SLC30A5: variants seen among roughly 807,000 people sequenced by gnomAD.
The protein encoded by SLC30A5 is proton-coupled zinc antiporter SLC30A5.
In SLC30A5, 33 loss-of-function variants were observed where a neutral mutation model predicts 79.6. That is an observed-to-expected ratio of 0.41 (90% confidence interval 0.31 to 0.55). The LOEUF (loss-of-function observed/expected upper bound fraction) is 0.55, where lower values mean the gene tolerates loss of function less well. Ranked by LOEUF, SLC30A5 falls within the 20% of genes least tolerant of loss-of-function variation. SLC30A5 has a pLI of 0.20. For missense variants in SLC30A5, 788 were observed against 928.1 expected (o/e 0.85, Z 1.96); for synonymous variants, 299 against 319.7 (o/e 0.94, Z 0.69).
intron 1 of SLC30A5, among the ~76,000 whole-genome samples, chr5:69,099,039 A>G (rs889183706): frequency 1.3e-5 from 2 of 152,220 alleles, no homozygotes; most frequent in Non-Finnish European, 2.9e-5. Flanking sequence ...ATCCATCAAA[A>G]TTCAACCAGT....
chr5:69,116,399 A>G lies in SLC30A5; in HGVS notation c.1078A>G (p.Asn360Asp). The change falls in exon 10 of 16, where the codon AAT (asparagine) becomes GAT (aspartate). Residue 360 changes from asparagine to aspartate, a missense_variant. Transcript: ENST00000396591. The surrounding 1 kb of genome is among the most constrained non-coding windows in gnomAD (Gnocchi z 4.0). Reference protein sequence around the residue: ...VSAIFFILSANILSSPSKRGQ... With the variant: ...VSAIFFILSADILSSPSKRGQ... ...ATTGTTTTTTCTCTTTGTAGCTGCCAATATCTTATCATCTCCCTCTAAGAG... is the reference window on the plus strand; with the variant it reads ...ATTGTTTTTTCTCTTTGTAGCTGCCGATATCTTATCATCTCCCTCTAAGAG... The G allele has an allele frequency of 6.3e-7, 1 of 1,576,970 alleles. No individual in the cohort carries two copies. Among genetic ancestry groups the G allele is most frequent in the Non-Finnish European group, 8.6e-7 (1 of 1,167,388 alleles).
intron 14 of SLC30A5, 111 bp downstream of exon 14, chr5:69,123,536 A>C: frequency 1.3e-6 from 1 of 776,242 alleles, no homozygotes; most frequent in Non-Finnish European, 2.1e-6. Flanking sequence ...ACGAGGCCAA[A>C]AAAGAAATAT....
chr5:69,098,934 C>A (rs1247760579), intron 1 of SLC30A5, among the ~76,000 whole-genome samples: 1 of 152,092 alleles, frequency 6.6e-6, no homozygotes, highest in Admixed American at 6.6e-5. Flanking sequence ...CATAAAAATA[C>A]CCACAATTAA....
chr5:69,114,777 A>T (rs924892439), intron 7 of SLC30A5, among the ~76,000 whole-genome samples: 1 of 152,232 alleles, frequency 6.6e-6, no homozygotes, highest in Non-Finnish European at 1.5e-5. Context: ...AGGCAGGAGA[A>T]TCACTTGAAC....
At chr5:69,118,004 T>C (rs1746419791) in intron 11 of SLC30A5, among the ~76,000 whole-genome samples, 1 of 150,308 alleles carries the variant, frequency 6.7e-6, no homozygotes, top group Non-Finnish European at 1.5e-5. Flanking sequence ...TGAAACCCCG[T>C]CTCTACTAAA....
chr5:69,127,574 G>T (rs552235813), intron 14 of SLC30A5, among the ~76,000 whole-genome samples: 1 of 152,176 alleles, frequency 6.6e-6, no homozygotes, highest in South Asian at 2.1e-4. Flanking sequence ...AACCTGGGAG[G>T]CTGAGGTTGC....
intron 1 of SLC30A5, among the ~76,000 whole-genome samples, chr5:69,097,949 G>A (rs1745793521): frequency 6.6e-6 from 1 of 152,120 alleles, no homozygotes; most frequent in East Asian, 1.9e-4. Flanking sequence ...ATGTTATGAA[G>A]GAAAAACAAT....
At position 69,116,445 on chromosome 5, in the gene SLC30A5, T is replaced by C. The variant is rs372391084; in HGVS notation, c.1124T>C (p.Ile375Thr). The C allele has an allele frequency of 1.4e-5, 22 of 1,612,112 alleles. No individual in the cohort carries two copies. The South Asian group carries it at 1.7e-4, about 12-fold the overall frequency. ...AAGAGAGGACAAAAAGGTACCCTTATTGGATATTCTCCTGAAGGAACACCT... is the reference window on the plus strand; with the variant it reads ...AAGAGAGGACAAAAAGGTACCCTTACTGGATATTCTCCTGAAGGAACACCT... ...PSKRGQKGTL[I>T]GYSPEGTPLY... Residue 375 changes from isoleucine (I) to threonine (T), a missense_variant, in exon 10 of 16, where the codon ATT (isoleucine) becomes ACT (threonine). Ile to Thr is a moderately conservative substitution (Grantham distance 89). Around this residue, in one of 3 missense-constraint regions of SLC30A5, gnomAD observed 626 missense variants for 755.5 expected, o/e 0.83. Coordinates refer to ENST00000396591, the MANE Select transcript of SLC30A5 (RefSeq NM_022902.5). This position sits in a 1 kb window ranked among gnomAD's most constrained non-coding sequence, Gnocchi z 4.0.
At chr5:69,121,448 T>C (rs1238127402) in intron 12 of SLC30A5, among the ~76,000 whole-genome samples, 1 of 152,120 alleles carries the variant, frequency 6.6e-6, no homozygotes, top group Non-Finnish European at 1.5e-5. Flanking sequence ...CCATTCTTAA[T>C]TGAAATAAGT....
At position 69,116,510 on chromosome 5, in the gene SLC30A5, C is replaced by A; in HGVS notation, c.1189C>A (p.Gln397Lys). 1 of 1,612,522 alleles carries A rather than the reference C, an allele frequency of 6.2e-7. No homozygotes were observed. Among genetic ancestry groups the A allele is most frequent in the South Asian group, 1.1e-5 (1 of 90,772 alleles). Residue 397 changes from glutamine (Q) to lysine (K), a missense_variant, in exon 10 of 16, where the codon CAA (glutamine) becomes AAA (lysine). By Grantham distance (53) the Gln-to-Lys change is moderately conservative. Transcript: ENST00000396591. The surrounding 1 kb of genome is among the most constrained non-coding windows in gnomAD (Gnocchi z 4.0). Reference sequence around the variant, plus strand: ...GGGTGATGCTTTTCAGCATAGCTCTCAATCGATCCCTAGGTTTATTAAGGA... The same window carrying A: ...GGGTGATGCTTTTCAGCATAGCTCTAAATCGATCCCTAGGTTTATTAAGGA... Reference protein sequence around the residue: ...FMGDAFQHSSQSIPRFIKESL... With the variant: ...FMGDAFQHSSKSIPRFIKESL...
chr5:69,128,279 TCTCA>T lies in SLC30A5; in HGVS notation c.2127+151_2127+154del, dbSNP rs371152876. Reference sequence around the variant, plus strand: ...TTTTTTTTTTTTTTTTGAGACAGGGTCTCACTCTGTTGCCCAGGCTGGAGTGCAG... The same window carrying T: ...TTTTTTTTTTTTTTTTGAGACAGGGTCTCTGTTGCCCAGGCTGGAGTGCAG... On this transcript the variant is annotated intron_variant, in intron 15 of 15. Coordinates refer to ENST00000396591, the MANE Select transcript of SLC30A5 (RefSeq NM_022902.5). 5.0e-4 allele frequency: 256 copies of T among 510,754 alleles called. No individual in the cohort carries two copies. In the African/African-American group the frequency reaches 5.5e-3, roughly 11 times the overall value. The allele number at this position is 510,754 out of a possible 1,614,324, so 31.6% of individuals were successfully genotyped here.
Position 69,115,413 on chromosome 5 carries a change from A to G in SLC30A5, c.783+6A>G, listed in dbSNP as rs1746340611. 5.0e-6 allele frequency: 8 copies of G among 1,605,326 alleles called. No homozygotes were observed. Among genetic ancestry groups the G allele is most frequent in the Non-Finnish European group, 6.0e-6 (7 of 1,174,368 alleles). On this transcript the variant is annotated splice_donor_region_variant and intron_variant, in intron 8 of 15. Coordinates refer to ENST00000396591, the MANE Select transcript of SLC30A5 (RefSeq NM_022902.5). ...TTCTTTCTGTGACAACTGAGGTAAGATAAGAGCAAGAATTTATTGGTATTA... is the reference window on the plus strand; with the variant it reads ...TTCTTTCTGTGACAACTGAGGTAAGGTAAGAGCAAGAATTTATTGGTATTA...
At chr5:69,126,558 T>C (rs1358492174) in intron 14 of SLC30A5, among the ~76,000 whole-genome samples, 15 of 152,190 alleles carry the variant, frequency 9.9e-5, no homozygotes, top group African/African-American at 3.6e-4. Context: ...GTCAGGAGTT[T>C]GAGACCAGCC....
Position 69,128,353 on chromosome 5 carries a change from G to A in SLC30A5, c.2127+221G>A, listed in dbSNP as rs1023643157. 2.0e-5 allele frequency among the ~76,000 whole-genome samples: 3 copies of A among 148,366 alleles called. No individual in the cohort carries two copies. The South Asian group carries it at 6.4e-4, about 31-fold the overall frequency. On this transcript the variant is annotated intron_variant, in intron 15 of 15. Coordinates refer to ENST00000396591, the MANE Select transcript of SLC30A5 (RefSeq NM_022902.5). ...TGCAACCTCCGCCTCCTGGGTTCAA[G>A]CAGTCTCCCTGCCTCAGCCTCCCAA...
chr5:69,106,719 C>T (rs941846567), intron 4 of SLC30A5, among the ~76,000 whole-genome samples: 6 of 152,142 alleles, frequency 3.9e-5, no homozygotes, highest in Non-Finnish European at 8.8e-5. Context: ...AAGAGATCAC[C>T]TGACCTCAGG....
chr5:69,109,757 T>C (rs772682193), intron 5 of SLC30A5, among the ~76,000 whole-genome samples: 6 of 152,208 alleles, frequency 3.9e-5, no homozygotes, highest in Non-Finnish European at 8.8e-5. Flanking sequence ...AATTCCAAAC[T>C]GTTAGAACTA....
At chr5:69,108,245 T>C (rs1746139213) in intron 4 of SLC30A5, 104 bp from the exon 5 acceptor site, 1 of 867,724 alleles carries the variant, frequency 1.2e-6, no homozygotes, top group African/African-American at 1.7e-5. Context: ...TTATGTTTTG[T>C]GAAATCAAGG....
At chr5:69,104,781 C>G in intron 4 of SLC30A5, 65 bp downstream of exon 4, 1 of 1,503,262 alleles carries the variant, frequency 6.7e-7, no homozygotes, top group Non-Finnish European at 9.1e-7. Flanking sequence ...TATTTTTGTT[C>G]CACTGTGTTT....
intron 15 of SLC30A5, 37 bp from the exon 16 acceptor site, chr5:69,129,410 C>T (rs964774183): frequency 4.6e-6 from 7 of 1,530,028 alleles, no homozygotes; most frequent in South Asian, 1.2e-5. Context: ...AAATGCATTA[C>T]TCTAAATGCT....
Sources: allele counts gnomAD v4.1 joint callset (sites outside exome capture counted in the v4.1 genomes callset), GRCh38; gene constraint gnomAD v4.1.1; regional missense constraint gnomAD v4.1.1; non-coding constraint Gnocchi (gnomAD v3.1); transcripts MANE v1.5; gene names NCBI Gene and HGNC (gene_info 2026-07-23, HGNC 2026-07-21).